The following CHD1L variants were observed in gnomAD, a reference collection of about 807,000 sequenced individuals.
CHD1L encodes the protein ATP-dependent chromatin remodeler CHD1L.
Under a neutral mutation model 115.9 loss-of-function variants are expected in CHD1L, and 118 were observed. The ratio of observed to expected loss-of-function variants is 1.02; its 90% CI spans 0.88 to 1.19. The LOEUF is 1.19. Among genes scored for constraint, CHD1L ranks in the 50% most tolerant of loss-of-function variants. The probability of loss-of-function intolerance (pLI) is 0.00; values close to 1 mark genes in which losing one functional copy is unlikely to be tolerated. For synonymous variants in CHD1L, 411 were observed against 387.1 expected, an observed-to-expected ratio of 1.06 and a Z score of -0.72; for missense variants, 1,179 against 1,065.3, an observed-to-expected ratio of 1.11 and a Z score of -1.49.
chr1:147,252,522 A>G, intron 1 of CHD1L, 101 bp from the exon 2 acceptor site: 1 of 841,518 alleles, frequency 1.2e-6, no homozygotes, highest in Admixed American at 2.2e-5. Flanking sequence ...GTTTAGGGTT[A>G]TGTGAATTTA....
the CHD1L span, among the ~76,000 whole-genome samples, chr1:147,195,094 G>A: frequency 6.6e-6 from 1 of 152,094 alleles, no homozygotes; most frequent in Admixed American, 6.6e-5. Flanking sequence ...ATAATATCCT[G>A]CAGAGTGTTT....
intron 10 of CHD1L, among the ~76,000 whole-genome samples, chr1:147,269,378 A>G (rs1380898280): frequency 6.6e-6 from 1 of 152,126 alleles, no homozygotes; most frequent in African/African-American, 2.4e-5. Flanking sequence ...GCATTAGAAG[A>G]CGAGGTTCAG....
the CHD1L span, among the ~76,000 whole-genome samples, chr1:147,206,463 C>T: frequency 5.9e-5 from 9 of 152,258 alleles, no homozygotes; most frequent in African/African-American, 1.9e-4. Context: ...CACATGCACA[C>T]GTATGTTTAT....
chr1:147,183,488 C>T, the CHD1L span, among the ~76,000 whole-genome samples: 5,767 of 152,114 alleles, frequency 0.038, 113 homozygotes, highest in African/African-American at 0.05. Flanking sequence ...TGTATTCCTT[C>T]GAGGAGTTTA....
chr1:147,226,292 C>T, the CHD1L span, among the ~76,000 whole-genome samples: 1 of 152,108 alleles, frequency 6.6e-6, no homozygotes, highest in East Asian at 1.9e-4. Context: ...TAAGAATCTA[C>T]ACTTCTGGAA....
upstream of CHD1L, among the ~76,000 whole-genome samples, chr1:147,239,314 C>T (rs1348645353): frequency 1.3e-5 from 2 of 152,174 alleles, no homozygotes; most frequent in African/African-American, 2.4e-5. Context: ...TAATTCGTCT[C>T]AAAGTGTGGC....
At chr1:147,273,673 C>A (rs1677160443) in intron 12 of CHD1L, among the ~76,000 whole-genome samples, 1 of 152,182 alleles carries the variant, frequency 6.6e-6, no homozygotes, top group Non-Finnish European at 1.5e-5. Context: ...ATTCAGAGAG[C>A]AGCATTATGT....
At chr1:147,222,098 G>T in the CHD1L span, among the ~76,000 whole-genome samples, 1 of 152,168 alleles carries the variant, frequency 6.6e-6, no homozygotes, top group African/African-American at 2.4e-5. Context: ...GGCTAGGCAC[G>T]GTGGCTCATG....
chr1:147,190,173 T>C, the CHD1L span: 1 of 1,592,264 alleles, frequency 6.3e-7, no homozygotes. Context: ...GGAGAGTTTC[T>C]TACCTTTTGT....
At chr1:147,197,703 G>A in the CHD1L span, among the ~76,000 whole-genome samples, 5 of 152,218 alleles carry the variant, frequency 3.3e-5, no homozygotes, top group East Asian at 9.7e-4. Context: ...ATGCAGAACT[G>A]TGAGTGAATT....
At chr1:147,269,909 T>G (rs1194943982) in intron 10 of CHD1L, among the ~76,000 whole-genome samples, 10 of 152,174 alleles carry the variant, frequency 6.6e-5, no homozygotes, top group African/African-American at 2.4e-4. Context: ...GTTAAATAAT[T>G]TCATGTCTTA....
the CHD1L span, among the ~76,000 whole-genome samples, chr1:147,196,496 A>G: frequency 1.3e-5 from 2 of 152,028 alleles, no homozygotes; most frequent in East Asian, 3.9e-4. Flanking sequence ...GAAAGAAAAA[A>G]ACAACAAAAA....
chr1:147,242,671 T>C, upstream of CHD1L: 1 of 1,264,220 alleles, frequency 7.9e-7, no homozygotes, highest in Non-Finnish European at 1.0e-6. Context: ...AGGTGCGCGC[T>C]TGGCCGCGCG....
chr1:147,258,022 C>A (rs192606726), intron 5 of CHD1L, among the ~76,000 whole-genome samples: 1 of 152,132 alleles, frequency 6.6e-6, no homozygotes, highest in Non-Finnish European at 1.5e-5. Context: ...TAGATACATT[C>A]TTTCAATATA....
chr1:147,286,586 T>A, intron 18 of CHD1L, 86 bp downstream of exon 18: 1 of 1,207,222 alleles, frequency 8.3e-7, no homozygotes, highest in Non-Finnish European at 1.2e-6. Context: ...GGGACTGGGG[T>A]GGTGGTCCCA....
At chr1:147,213,544 G>T in the CHD1L span, 1 of 1,293,218 alleles carries the variant, frequency 7.7e-7, no homozygotes, top group Non-Finnish European at 1.0e-6. Context: ...ACAAAGGGCT[G>T]ATATCACAGA....
At chr1:147,258,682 C>T (rs1670922385) in intron 5 of CHD1L, among the ~76,000 whole-genome samples, 2 of 152,304 alleles carry the variant, frequency 1.3e-5, no homozygotes, top group Non-Finnish European at 2.9e-5. Flanking sequence ...TCTGGAGTTT[C>T]TCTGTAGCCT....
At chr1:147,218,540 C>T in the CHD1L span, among the ~76,000 whole-genome samples, 1 of 152,082 alleles carries the variant, frequency 6.6e-6, no homozygotes, top group Non-Finnish European at 1.5e-5. Flanking sequence ...CCAGCCTCAA[C>T]ATGCAGAATT....
the CHD1L span, among the ~76,000 whole-genome samples, chr1:147,226,633 G>T: frequency 2.6e-5 from 4 of 152,116 alleles, no homozygotes; most frequent in Non-Finnish European, 5.9e-5. Flanking sequence ...GGTTGTAAGA[G>T]GCATGGATTG....
Sources: gnomAD v4.1 joint callset for allele counts (sites outside exome capture counted in the v4.1 genomes callset) on GRCh38, gnomAD v4.1.1 for gene constraint, MANE v1.5 for transcripts, NCBI Gene and HGNC (gene_info 2026-07-23, HGNC 2026-07-21) for gene names.